CPVL: variants seen among roughly 807,000 people sequenced by gnomAD.
The protein encoded by CPVL is carboxypeptidase vitellogenic like.
CPVL carries 51 observed loss-of-function variants against 63.7 expected under a neutral mutation model. The ratio of observed to expected loss-of-function variants is 0.80; its 90% CI spans 0.64 to 1.01. The LOEUF is 1.01. Among genes scored for constraint, CPVL ranks in the 50% least tolerant of loss-of-function variants. The probability of loss-of-function intolerance (pLI) is 0.00; values close to 1 mark genes in which losing one functional copy is unlikely to be tolerated. For missense variants in CPVL, 530 were observed against 573.1 expected, an observed-to-expected ratio of 0.92 and a Z score of 0.77; for synonymous variants, 195 against 206.0, an observed-to-expected ratio of 0.95 and a Z score of 0.46.
intron 7 of CPVL, among the ~76,000 whole-genome samples, chr7:29,083,307 G>A (rs1182885512): frequency 6.6e-6 from 1 of 152,204 alleles, no homozygotes; most frequent in East Asian, 1.9e-4. Flanking sequence ...ATCTTCCTCT[G>A]GAGACCACTC....
intron 3 of CPVL, among the ~76,000 whole-genome samples, chr7:29,099,707 G>A (rs1739869254): frequency 6.6e-6 from 1 of 152,170 alleles, no homozygotes; most frequent in African/African-American, 2.4e-5. Context: ...ACAAGATTCT[G>A]TCTCAAATAA....
intron 12 of CPVL, among the ~76,000 whole-genome samples, chr7:29,003,858 T>C (rs1183009032): frequency 6.6e-6 from 1 of 152,118 alleles, no homozygotes; most frequent in Non-Finnish European, 1.5e-5. Context: ...CAGTTCACAA[T>C]AGGGTTCCCC....
At chr7:29,058,009 T>C (rs1385670171) in intron 11 of CPVL, among the ~76,000 whole-genome samples, 1 of 152,176 alleles carries the variant, frequency 6.6e-6, no homozygotes, top group Non-Finnish European at 1.5e-5. Context: ...TTATTCTGTG[T>C]CTTTTGCCTC....
chr7:29,087,103 T>TA (rs990031390), intron 6 of CPVL, among the ~76,000 whole-genome samples: 7 of 151,514 alleles, frequency 4.6e-5, no homozygotes, highest in Non-Finnish European at 8.8e-5. Context: ...GGCTCTGGGC[T>TA]AAAAAAAAGA....
At chr7:29,002,879 A>AAG (rs1243034326) in intron 12 of CPVL, among the ~76,000 whole-genome samples, 9 of 151,088 alleles carry the variant, frequency 6.0e-5, no homozygotes, top group Admixed American at 2.0e-4. Context: ...AAAAAAAAAA[A>AAG]AAGAAGAAGA....
intron 11 of CPVL, among the ~76,000 whole-genome samples, chr7:29,040,593 T>C (rs778934676): frequency 2.6e-5 from 4 of 152,154 alleles, no homozygotes; most frequent in Non-Finnish European, 4.4e-5. Context: ...TGCAACCAAG[T>C]TGTTCTTAAA....
intron 6 of CPVL, among the ~76,000 whole-genome samples, chr7:29,087,640 AG>A (rs1785344491): frequency 6.6e-6 from 1 of 152,200 alleles, no homozygotes; most frequent in Admixed American, 6.5e-5. Context: ...CTGCGAAGCT[AG>A]GGGAGGTTGT....
rs1008730932 is a variant in CPVL, at chr7:29,065,899, C to G, written c.963+124G>C. The stretch of plus-strand genomic sequence containing the variant: ...TTCTATGGGTTAGTAGACCACATCA[C>G]GCGGTACAGTTTGGACATGTTGGTC... On this transcript the variant is annotated intron_variant, in intron 10 of 12. Transcript: ENST00000265394. 4.6e-5 allele frequency: 26 copies of G among 570,170 alleles called. No individual in the cohort carries two copies. In the South Asian group the frequency reaches 6.1e-4, roughly 13 times the overall value. The allele number at this position is 570,170 out of a possible 1,614,324, so 35.3% of individuals were successfully genotyped here.
intron 12 of CPVL, among the ~76,000 whole-genome samples, chr7:28,997,114 G>A (rs912353585): frequency 3.9e-5 from 6 of 152,194 alleles, no homozygotes; most frequent in South Asian, 2.1e-4. Context: ...AGAGGGAAAC[G>A]GGAAGCTGTC....
At chr7:29,090,455 C>A (rs1241076149) in intron 6 of CPVL, among the ~76,000 whole-genome samples, 1 of 152,178 alleles carries the variant, frequency 6.6e-6, no homozygotes, top group Non-Finnish European at 1.5e-5. Context: ...CATATCATTT[C>A]CCATTGCAAA....
At chr7:29,070,195 T>A (rs1410211280) in intron 9 of CPVL, among the ~76,000 whole-genome samples, 1 of 152,224 alleles carries the variant, frequency 6.6e-6, no homozygotes, top group African/African-American at 2.4e-5. Flanking sequence ...TTCTGACGTA[T>A]CCGGTTTGGG....
intron 11 of CPVL, among the ~76,000 whole-genome samples, chr7:29,031,892 C>T (rs57540450): frequency 0.26 from 39,618 of 151,944 alleles, 6,955 homozygotes; most frequent in African/African-American, 0.5. Context: ...TATATCACAA[C>T]TATAACTATA....
rs1381262750 is a variant in CPVL, at chr7:29,052,404, T to C, written c.1137+11657A>G. On this transcript the variant is annotated intron_variant, in intron 11 of 12. Coordinates refer to ENST00000265394, the MANE Select transcript of CPVL (RefSeq NM_031311.5). ...CTCGAGTATTAGTTTTTAAACCTAT[T>C]TTTAACTTGACTAAAATGAAATGAA... is the stretch of plus-strand genomic sequence containing the variant. Among the ~76,000 whole-genome samples the C allele has an allele frequency of 1.1e-4, 17 of 148,642 alleles. No individual in the cohort carries two copies. The East Asian group carries it at 3.3e-3, about 29-fold the overall frequency.
Position 29,120,997 on chromosome 7 carries a change from C to T in CPVL, c.65G>A (p.Gly22Glu), listed in dbSNP as rs148332481. The T allele has an allele frequency of 1.9e-6, 3 of 1,613,394 alleles. No homozygotes were observed. In the African/African-American group the frequency reaches 4.0e-5, roughly 22 times the overall value. Reference protein sequence around the residue: ...LVLLMPGPCDGLFRSLYRSVS... With the variant: ...LVLLMPGPCDELFRSLYRSVS... ...ACTTCTGTATAGGGAGCGAAACAGC[C>T]CATCACAGGGGCCAGGCATCAACAG... The change falls in exon 2 of 13, where the codon GGG (glycine) becomes GAG (glutamate). Residue 22 changes from glycine (G) to glutamate (E), a missense_variant. Coordinates refer to ENST00000265394, the MANE Select transcript of CPVL (RefSeq NM_031311.5).
chr7:29,170,546 C>A (rs775534032), intron 5 of CPVL, among the ~76,000 whole-genome samples: 5 of 152,146 alleles, frequency 3.3e-5, no homozygotes, highest in Non-Finnish European at 5.9e-5. Context: ...GGGTTTTGTA[C>A]ATTCACTGAA....
chr7:29,080,031 T>A (rs1269662389), intron 7 of CPVL, among the ~76,000 whole-genome samples: 5 of 151,052 alleles, frequency 3.3e-5, no homozygotes, highest in Non-Finnish European at 7.4e-5. Context: ...ATGGCTGAGG[T>A]GGGAAGATGG....
chr7:29,160,689 T>C (rs942956217), intron 5 of CPVL, among the ~76,000 whole-genome samples: 2 of 152,186 alleles, frequency 1.3e-5, no homozygotes, highest in African/African-American at 4.8e-5. Flanking sequence ...TGCCTGGTGC[T>C]GTGGTAGCCA....
intron 3 of CPVL, among the ~76,000 whole-genome samples, chr7:29,102,384 G>A (rs1283025877): frequency 6.6e-6 from 1 of 152,146 alleles, no homozygotes; most frequent in Admixed American, 6.5e-5. Flanking sequence ...TGATATGAAA[G>A]AGGAATGGAG....
chr7:29,030,530 C>T (rs562640307), intron 12 of CPVL, 47 bp downstream of exon 12: 2 of 1,561,912 alleles, frequency 1.3e-6, no homozygotes, highest in East Asian at 4.5e-5. Flanking sequence ...ATTTTCAATC[C>T]CGCTCTCCCA....
Sources: allele counts gnomAD v4.1 joint callset (sites outside exome capture counted in the v4.1 genomes callset), GRCh38; gene constraint gnomAD v4.1.1; transcripts MANE v1.5; gene names NCBI Gene and HGNC (gene_info 2026-07-23, HGNC 2026-07-21).